The following ST8SIA4 variants were observed in gnomAD, a reference collection of about 807,000 sequenced individuals.
ST8SIA4 encodes ST8 alpha-N-acetyl-neuraminide alpha-2,8-sialyltransferase 4.
A neutral mutation model predicts 33.9 loss-of-function variants in ST8SIA4; 15 were observed. The observed-to-expected ratio is 0.44, with a 90% CI of 0.30 to 0.68. The LOEUF (loss-of-function observed/expected upper bound fraction) is 0.68. ST8SIA4 is among the 30% of genes least tolerant of loss of function. The pLI, the probability that ST8SIA4 is intolerant of heterozygous loss-of-function variation, is 0.10. For synonymous variants in ST8SIA4, 171 were observed against 151.2 expected (o/e 1.13, Z -0.96); for missense variants, 321 against 428.0 (o/e 0.75, Z 2.21).
intron 3 of ST8SIA4, among the ~76,000 whole-genome samples, chr5:100,870,360 C>G (rs922153904): frequency 2.6e-5 from 4 of 152,054 alleles, no homozygotes; most frequent in Admixed American, 1.3e-4. Flanking sequence ...GATTCCTCTT[C>G]GTCACATGTT....
intron 1 of ST8SIA4, among the ~76,000 whole-genome samples, chr5:100,896,107 C>A (rs1489666647): frequency 1.3e-5 from 2 of 152,020 alleles, no homozygotes; most frequent in Non-Finnish European, 2.9e-5. Context: ...GGCATATACA[C>A]AAAGGAATTG....
chr5:100,902,775 C>T, intron 1 of ST8SIA4, 68 bp downstream of exon 1: 1 of 1,310,392 alleles, frequency 7.6e-7, no homozygotes, highest in Non-Finnish European at 1.1e-6. Context: ...ATCACTCTAC[C>T]CTCTATATTC....
rs190289061 is a variant in ST8SIA4, at chr5:100,848,765, A to T, written c.797+7338T>A. Among the ~76,000 whole-genome samples, 1,430 of 150,820 alleles carry T rather than the reference A, an allele frequency of 9.5e-3. 18 individuals are homozygous for T. The highest frequency in any genetic ancestry group is 0.032 in the African/African-American group (1,337 of 41,328). On this transcript the variant is annotated intron_variant, in intron 4 of 4. Coordinates refer to ENST00000231461, the MANE Select transcript of ST8SIA4 (RefSeq NM_005668.6). ...TTTATCAAAAAAGTTACGCATTTTT[A>T]AAAAAATTAATAATTGCAGAAATCA...
chr5:100,816,534 A>G (rs1189376249), intron 4 of ST8SIA4: 2 of 526,474 alleles, frequency 3.8e-6, no homozygotes, highest in African/African-American at 3.9e-5. Context: ...AAGTAATGAC[A>G]AAAACTGCAA....
chr5:100,864,254 G>A (rs996680140), intron 3 of ST8SIA4, among the ~76,000 whole-genome samples: 3 of 152,126 alleles, frequency 2.0e-5, no homozygotes, highest in Non-Finnish European at 4.4e-5. Context: ...GTTAACTGCT[G>A]TTCTTTATCT....
intron 4 of ST8SIA4, among the ~76,000 whole-genome samples, chr5:100,851,936 T>C (rs1188227050): frequency 1.3e-5 from 2 of 151,996 alleles, no homozygotes; most frequent in Admixed American, 1.3e-4. Context: ...TTTAAAATAT[T>C]ATATAAAACT....
chr5:100,812,607 T>A lies in ST8SIA4; in HGVS notation c.798-478A>T, dbSNP rs1750837976. Among the ~76,000 whole-genome samples, 3 of 152,252 alleles carry A rather than the reference T, an allele frequency of 2.0e-5. No individual in the cohort carries two copies. The East Asian group carries it at 5.8e-4, about 29-fold the overall frequency. On this transcript the variant is annotated intron_variant, in intron 4 of 4. Transcript: ENST00000231461. ...AAATAAATGCTTTATCTATGTTATATCAACTGATTTATTCAGCTCCAATTT... is the reference window on the plus strand; with the variant it reads ...AAATAAATGCTTTATCTATGTTATAACAACTGATTTATTCAGCTCCAATTT...
At chr5:100,849,914 C>A (rs147426838) in intron 4 of ST8SIA4, among the ~76,000 whole-genome samples, 101 of 152,268 alleles carry the variant, frequency 6.6e-4, no homozygotes, top group Middle Eastern at 3.4e-3. Flanking sequence ...CCAGGCAAAT[C>A]TAAGGCAGTT....
At chr5:100,875,468 C>T (rs1752285382) in intron 3 of ST8SIA4, among the ~76,000 whole-genome samples, 1 of 152,118 alleles carries the variant, frequency 6.6e-6, no homozygotes. Flanking sequence ...TGGAAGCATA[C>T]CTTAATTTCT....
intron 2 of ST8SIA4, among the ~76,000 whole-genome samples, chr5:100,891,238 A>G (rs1305806669): frequency 6.6e-6 from 1 of 151,988 alleles, no homozygotes; most frequent in African/African-American, 2.4e-5. Flanking sequence ...GCTATGATAC[A>G]TATGTTAGGA....
chr5:100,896,768 A>G lies in ST8SIA4; in HGVS notation c.114-983T>C, dbSNP rs537889551. ...TTTCCTCACTAGCTCTGTTTAGACAACAGAGACAGAATGTTTTGTAAGTGC... is the reference window on the plus strand; with the variant it reads ...TTTCCTCACTAGCTCTGTTTAGACAGCAGAGACAGAATGTTTTGTAAGTGC... On this transcript the variant is annotated intron_variant, in intron 1 of 4. Transcript: ENST00000231461. Among the ~76,000 whole-genome samples the G allele has an allele frequency of 2.6e-5, 4 of 152,310 alleles. No individual in the cohort carries two copies. In the South Asian group the frequency reaches 8.3e-4, roughly 32 times the overall value.
intron 3 of ST8SIA4, among the ~76,000 whole-genome samples, chr5:100,866,087 C>A (rs964645693): frequency 6.6e-6 from 1 of 152,096 alleles, no homozygotes; most frequent in South Asian, 2.1e-4. Flanking sequence ...GAATTAAGAA[C>A]CAAACCTTAG....
chr5:100,895,387 T>C (rs1253478660), intron 2 of ST8SIA4, among the ~76,000 whole-genome samples: 3 of 152,048 alleles, frequency 2.0e-5, no homozygotes, highest in Non-Finnish European at 4.4e-5. Flanking sequence ...ATGTTAAATA[T>C]CAGTACTCTG....
intron 4 of ST8SIA4, among the ~76,000 whole-genome samples, chr5:100,824,158 G>A (rs1206469362): frequency 6.6e-6 from 1 of 152,140 alleles, no homozygotes; most frequent in Non-Finnish European, 1.5e-5. Context: ...ACGAAGAAAT[G>A]TACAGTATTA....
intron 1 of ST8SIA4, among the ~76,000 whole-genome samples, chr5:100,898,341 A>G (rs1752824248): frequency 6.6e-6 from 1 of 152,170 alleles, no homozygotes. Context: ...TGATTGCTTC[A>G]TTGACCTAGA....
At chr5:100,816,440 G>A (rs1750918842) in intron 4 of ST8SIA4, 1 of 513,192 alleles carries the variant, frequency 1.9e-6, no homozygotes, top group Admixed American at 2.2e-5. Flanking sequence ...AGGAATATTG[G>A]TTTGTGTTTA....
chr5:100,811,661 A>G lies in ST8SIA4; in HGVS notation c.*186T>C, dbSNP rs1750819035. The G allele has an allele frequency of 1.6e-6, 1 of 610,426 alleles. No individual in the cohort carries two copies. Among genetic ancestry groups the G allele is most frequent in the Non-Finnish European group, 2.8e-6 (1 of 357,660 alleles). The allele number at this position is 610,426 out of a possible 1,614,324, so 37.8% of individuals were successfully genotyped here. A position where few individuals can be genotyped will look rare whatever the true frequency, so the allele number is the denominator to read the frequency against. ...ACTTACTAGGACCCTTAAAGTCAAA[A>G]TATTTAATTTTTAGAGCACTTTGCA... On this transcript the variant is annotated 3_prime_UTR_variant, in exon 5 of 5. Coordinates refer to ENST00000231461, the MANE Select transcript of ST8SIA4 (RefSeq NM_005668.6).
At position 100,902,965 on chromosome 5, in the gene ST8SIA4, C is replaced by T; in HGVS notation, c.-10G>A. 1 of 1,607,966 alleles carries T rather than the reference C, an allele frequency of 6.2e-7. No individual in the cohort carries two copies. Among genetic ancestry groups the T allele is most frequent in the Non-Finnish European group, 8.5e-7 (1 of 1,174,440 alleles). Reference sequence around the variant, plus strand: ...TCCTAATGGAGCGCATCTTGGGTGCCCGAGAAAGTCCTGGTTGCCCCAGCT... The same window carrying T: ...TCCTAATGGAGCGCATCTTGGGTGCTCGAGAAAGTCCTGGTTGCCCCAGCT... On this transcript the variant is annotated 5_prime_UTR_variant, in exon 1 of 5. Coordinates refer to ENST00000231461, the MANE Select transcript of ST8SIA4 (RefSeq NM_005668.6).
At chr5:100,829,862 C>G (rs188510863) in intron 4 of ST8SIA4, among the ~76,000 whole-genome samples, 1 of 150,160 alleles carries the variant, frequency 6.7e-6, no homozygotes, top group Non-Finnish European at 1.5e-5. Context: ...GAGCCGAGAT[C>G]GCGCCACTGC....
Sources: gnomAD v4.1 joint callset for allele counts (sites outside exome capture counted in the v4.1 genomes callset) on GRCh38, gnomAD v4.1.1 for gene constraint, MANE v1.5 for transcripts, NCBI Gene and HGNC (gene_info 2026-07-23, HGNC 2026-07-21) for gene names.